VCAN: variants seen among roughly 807,000 people sequenced by gnomAD.
The protein encoded by VCAN is versican.
In VCAN, 44 loss-of-function variants were observed where a neutral mutation model predicts 245.5. The observed-to-expected ratio is 0.18, with a 90% CI of 0.14 to 0.23. The LOEUF (loss-of-function observed/expected upper bound fraction) is 0.23. Among genes scored for constraint, VCAN ranks in the 10% least tolerant of loss-of-function variants. The pLI, the probability that VCAN is intolerant of heterozygous loss-of-function variation, is 1.00. For missense variants in VCAN, 3,793 were observed against 4,057.9 expected, an observed-to-expected ratio of 0.93 and a Z score of 1.77; for synonymous variants, 1,413 against 1,437.0, an observed-to-expected ratio of 0.98 and a Z score of 0.38.
In VCAN at chr5:83,541,533, C is replaced by G. The variant is rs879049343; in HGVS notation, c.8530C>G (p.Pro2844Ala). 3.1e-6 allele frequency: 5 copies of G among 1,613,850 alleles called. No homozygotes were observed. The African/African-American group carries it at 5.3e-5, about 17-fold the overall frequency. The change falls in exon 8 of 15, where the codon CCC becomes GCC. Residue 2844 changes from proline to alanine, a missense_variant. Pro to Ala is a conservative substitution (Grantham distance 27, BLOSUM62 -1). Coordinates refer to ENST00000265077, the MANE Select transcript of VCAN (RefSeq NM_004385.5). ...GSEASGHTEI[P>A]QPSALPGIDV... is the part of the protein sequence containing the mutation. ...TGAAGCCTCTGGACACACAGAGATC[C>G]CCCAGCCCAGTGCTCTGCCAGGAAT...
intron 5 of VCAN, among the ~76,000 whole-genome samples, chr5:83,510,542 TTC>T (rs1745618696): frequency 6.6e-6 from 1 of 152,234 alleles, no homozygotes; most frequent in Non-Finnish European, 1.5e-5. Flanking sequence ...CATTTTAACT[TTC>T]TGTTTCAGTT....
intron 5 of VCAN, among the ~76,000 whole-genome samples, chr5:83,505,157 T>A (rs796109222): frequency 3.3e-5 from 5 of 152,224 alleles, no homozygotes; most frequent in Admixed American, 1.3e-4. Context: ...CCCCTCCAAA[T>A]CTCATGTCCT....
intron 12 of VCAN, among the ~76,000 whole-genome samples, chr5:83,561,114 C>T (rs1038066457): frequency 6.6e-6 from 1 of 152,054 alleles, no homozygotes; most frequent in Non-Finnish European, 1.5e-5. Flanking sequence ...TTACTTCTGT[C>T]ATCTCTACAT....
chr5:83,504,164 A>G (rs1169889210), intron 5 of VCAN, among the ~76,000 whole-genome samples: 1 of 152,222 alleles, frequency 6.6e-6, no homozygotes, highest in Non-Finnish European at 1.5e-5. Context: ...AAGTCTTACA[A>G]CATGTCTCCC....
chr5:83,485,515 A>G (rs1411293697), intron 2 of VCAN, among the ~76,000 whole-genome samples: 1 of 152,130 alleles, frequency 6.6e-6, no homozygotes, highest in Non-Finnish European at 1.5e-5. Context: ...TCAGTTTTTG[A>G]TAATCTATGC....
Position 83,539,529 on chromosome 5 carries a change from T to C in VCAN, c.6526T>C (p.Ser2176Pro), listed in dbSNP as rs1746878288. ...TAAAGAAATGAAGGAGGAAGACACTTCTTTAGTTAACATGTCTACTCCAGA... is the reference window on the plus strand; with the variant it reads ...TAAAGAAATGAAGGAGGAAGACACTCCTTTAGTTAACATGTCTACTCCAGA... ...DDKEMKEEDTSLVNMSTPDPD... is the reference protein window; with the variant it reads ...DDKEMKEEDTPLVNMSTPDPD... Residue 2176 changes from serine (S) to proline (P), a missense_variant, in exon 8 of 15, where the codon TCT becomes CCT. Around this residue, in one of 5 missense-constraint regions of VCAN, gnomAD observed 3,182 missense variants for 3,250.3 expected, o/e 0.98. Coordinates refer to ENST00000265077, the MANE Select transcript of VCAN (RefSeq NM_004385.5). 1 of 1,614,014 alleles carries C rather than the reference T, an allele frequency of 6.2e-7. No homozygotes were observed.
chr5:83,566,295 C>T (rs573080618), intron 12 of VCAN, among the ~76,000 whole-genome samples: 2 of 152,252 alleles, frequency 1.3e-5, no homozygotes, highest in Admixed American at 1.3e-4. Flanking sequence ...TGCAAAAAGG[C>T]AGTTATCCAT....
intron 10 of VCAN, among the ~76,000 whole-genome samples, chr5:83,551,498 C>T (rs111952781): frequency 2.7e-5 from 4 of 150,874 alleles, no homozygotes; most frequent in Non-Finnish European, 4.4e-5. Flanking sequence ...GGTGACAAAG[C>T]GAGACTCCAC....
rs939287492 is a variant in VCAN, at chr5:83,539,136, T to A, written c.6133T>A (p.Leu2045Met). Residue 2045 changes from leucine to methionine, a missense_variant, in exon 8 of 15, where the codon TTG (leucine) becomes ATG (methionine). Physicochemically the swap from Leu to Met is conservative, Grantham distance 15. This residue lies in a region of VCAN where 3,182 missense variants were observed against 3,250.3 expected (regional missense o/e 0.98). Coordinates refer to ENST00000265077, the MANE Select transcript of VCAN (RefSeq NM_004385.5). The part of the protein sequence containing the change: ...GTASSIIDEG[L>M]GEVGTVNEID... ...AGCTTCCTCCATTATCGACGAAGGA[T>A]TGGGAGAAGTGGGTACTGTCAATGA... 2 of 1,613,932 alleles carry A rather than the reference T, an allele frequency of 1.2e-6. No individual in the cohort carries two copies. The highest frequency in any genetic ancestry group is 1.7e-6 in the Non-Finnish European group (2 of 1,179,964).
At position 83,541,942 on chromosome 5, in the gene VCAN, C is replaced by G; in HGVS notation, c.8939C>G (p.Ala2980Gly). ...ACACAGTGGCCACACTCTACTTCTG[C>G]TTCTGCCACCTATGGGGTCGAGGCA... Reference protein sequence around the residue: ...GATQWPHSTSASATYGVEAGV... With the variant: ...GATQWPHSTSGSATYGVEAGV... Residue 2980 changes from alanine to glycine, a missense_variant, in exon 8 of 15, where the codon GCT becomes GGT. Coordinates refer to ENST00000265077, the MANE Select transcript of VCAN (RefSeq NM_004385.5). 2 of 1,614,096 alleles carry G rather than the reference C, an allele frequency of 1.2e-6. No individual in the cohort carries two copies. The highest frequency in any genetic ancestry group is 8.5e-7 in the Non-Finnish European group (1 of 1,180,004).
At chr5:83,474,396 C>T (rs1744306734) in intron 1 of VCAN, among the ~76,000 whole-genome samples, 1 of 152,140 alleles carries the variant, frequency 6.6e-6, no homozygotes, top group Non-Finnish European at 1.5e-5. Flanking sequence ...ATACTCTTTT[C>T]CCTTTCCCAG....
At chr5:83,553,194 T>C (rs1289419540) in intron 10 of VCAN, among the ~76,000 whole-genome samples, 170 bp from the exon 11 acceptor site, 1 of 152,206 alleles carries the variant, frequency 6.6e-6, no homozygotes, top group Admixed American at 6.5e-5. Context: ...ACGAATCAGT[T>C]GGGCTCACTT....
In VCAN at chr5:83,537,341, C is replaced by T; in HGVS notation, c.4338C>T (p.Ser1446=). The change falls in exon 8 of 15, where the codon AGC becomes AGT. Residue 1446 remains serine, a synonymous_variant. Transcript: ENST00000265077. ...CACCTTCTCAGAATTTCTCGGACAGCTCTGAAAGTGATACTCATCCATTTG... is the reference window on the plus strand; with the variant it reads ...CACCTTCTCAGAATTTCTCGGACAGTTCTGAAAGTGATACTCATCCATTTG... ...SVAPSQNFSD[S]SESDTHPFVI... The T allele has an allele frequency of 6.2e-7, 1 of 1,613,994 alleles. No individual in the cohort carries two copies. The highest frequency in any genetic ancestry group is 8.5e-7 in the Non-Finnish European group (1 of 1,179,946).
intron 5 of VCAN, among the ~76,000 whole-genome samples, chr5:83,511,153 T>TC (rs1321148657): frequency 2.0e-5 from 3 of 150,852 alleles, no homozygotes; most frequent in African/African-American, 7.3e-5. Context: ...TCTCTCTTTT[T>TC]TTTTTCGAGA....
rs369941188 is a variant in VCAN, at chr5:83,538,568, C to T, written c.5565C>T (p.Asn1855=). 1.5e-5 allele frequency: 24 copies of T among 1,613,816 alleles called. No homozygotes were observed. The highest frequency in any genetic ancestry group is 6.7e-5 in the African/African-American group (5 of 74,864). Residue 1855 remains asparagine, a synonymous_variant, in exon 8 of 15, where the codon AAC becomes AAT. Coordinates refer to ENST00000265077, the MANE Select transcript of VCAN (RefSeq NM_004385.5). ...CCACTGTTTCTTCATTTTCATTAAA[C>T]GTAGAGTATGCAATTCAAGCCGAAA... The part of the protein sequence containing the change: ...ETTTVSSFSL[N]VEYAIQAEKE...
In VCAN at chr5:83,553,471, G is replaced by T. The variant is rs765169129; in HGVS notation, c.9601G>T (p.Gly3201Cys). ...AGCTGAACGGGAATGCCGTCTGCAGGGTGCCCATCTCACAAGCATCCTGTC... is the reference window on the plus strand; with the variant it reads ...AGCTGAACGGGAATGCCGTCTGCAGTGTGCCCATCTCACAAGCATCCTGTC... ...DAAERECRLQ[G>C]AHLTSILSHE... The change falls in exon 11 of 15, where the codon GGT becomes TGT. Residue 3201 changes from glycine to cysteine, a missense_variant. Gly to Cys is a radical substitution (Grantham distance 159). Transcript: ENST00000265077. 6.2e-7 allele frequency: 1 copy of T among 1,614,016 alleles called. No individual in the cohort carries two copies. Among genetic ancestry groups the T allele is most frequent in the East Asian group, 2.2e-5 (1 of 44,876 alleles).
chr5:83,567,331 C>A (rs1451417770), intron 12 of VCAN, among the ~76,000 whole-genome samples: 1 of 152,050 alleles, frequency 6.6e-6, no homozygotes, highest in Non-Finnish European at 1.5e-5. Flanking sequence ...GACGGAGTCT[C>A]ACCTGACCCC....
At chr5:83,514,425 T>TAC (rs1745773665) in intron 6 of VCAN, among the ~76,000 whole-genome samples, 1 of 132,228 alleles carries the variant, frequency 7.6e-6, no homozygotes, top group Admixed American at 8.3e-5. Flanking sequence ...TTTTTTAGTG[T>TAC]ATATGTGTGT....
chr5:83,538,692 G>A lies in VCAN; in HGVS notation c.5689G>A (p.Glu1897Lys). 1 of 1,614,106 alleles carries A rather than the reference G, an allele frequency of 6.2e-7. No individual in the cohort carries two copies. The highest frequency in any genetic ancestry group is 8.5e-7 in the Non-Finnish European group (1 of 1,179,972). ...TACAGTAATGGACAGAGTAGTTGCT[G>A]AAAATATAACCCAAACATCCAGGGA... ...LSTVMDRVVA[E>K]NITQTSREIV... The change falls in exon 8 of 15, where the codon GAA (glutamate) becomes AAA (lysine). Residue 1897 changes from glutamate (E) to lysine (K), a missense_variant. Physicochemically the swap from Glu to Lys is moderately conservative, Grantham distance 56. Coordinates refer to ENST00000265077, the MANE Select transcript of VCAN (RefSeq NM_004385.5).
Sources: allele counts gnomAD v4.1 joint callset (sites outside exome capture counted in the v4.1 genomes callset), GRCh38; gene constraint gnomAD v4.1.1; regional missense constraint gnomAD v4.1.1; transcripts MANE v1.5; gene names NCBI Gene and HGNC (gene_info 2026-07-23, HGNC 2026-07-21).